The following SYCP1 variants were observed in gnomAD, a reference collection of about 807,000 sequenced individuals.
The protein encoded by SYCP1 is cancer/testis antigen 8.
Under a neutral mutation model 153.1 loss-of-function variants are expected in SYCP1, and 64 were observed. The ratio of observed to expected loss-of-function variants is 0.42; its 90% CI spans 0.34 to 0.51. The LOEUF (loss-of-function observed/expected upper bound fraction) is 0.51, where lower values mean the gene tolerates loss of function less well. Ranked by LOEUF, SYCP1 falls within the 20% of genes least tolerant of loss-of-function variation. SYCP1 has a pLI of 0.06. For synonymous variants in SYCP1, 384 were observed against 341.8 expected (o/e 1.12, Z -1.36); for missense variants, 997 against 1,049.0 (o/e 0.95, Z 0.68).
rs1041222188 is a variant in SYCP1, at chr1:114,895,577, A to G, written c.1320+68A>G. 20 of 804,814 alleles carry G rather than the reference A, an allele frequency of 2.5e-5. No individual in the cohort carries two copies. In the African/African-American group the frequency reaches 3.3e-4, roughly 13 times the overall value. 49.9% of individuals were successfully genotyped at this position (804,814 alleles called of 1,614,324 possible). ...AGAAGAATATTGAATCCCTTAACTTATAGACTCTCACACTATAGATGTTTT... is the reference window on the plus strand; with the variant it reads ...AGAAGAATATTGAATCCCTTAACTTGTAGACTCTCACACTATAGATGTTTT... On this transcript the variant is annotated intron_variant, in intron 16 of 31. Coordinates refer to ENST00000369522, the MANE Select transcript of SYCP1 (RefSeq NM_003176.4).
chr1:114,875,524 T>A (rs360633), intron 9 of SYCP1, among the ~76,000 whole-genome samples: 22 of 151,876 alleles, frequency 1.4e-4, no homozygotes, highest in Non-Finnish European at 2.9e-4. Flanking sequence ...CTCCCAAAGT[T>A]CTGGGATTAG....
intron 19 of SYCP1, 87 bp downstream of exon 19, chr1:114,913,237 T>A: frequency 9.6e-7 from 1 of 1,037,722 alleles, no homozygotes; most frequent in Non-Finnish European, 1.4e-6. Context: ...CTTTGACCTT[T>A]AAAGTCTGAT....
chr1:114,933,119 G>A (rs977044456), intron 23 of SYCP1, among the ~76,000 whole-genome samples: 1 of 152,166 alleles, frequency 6.6e-6, no homozygotes, highest in Non-Finnish European at 1.5e-5. Context: ...CCTGACCCCT[G>A]AGTAGCCTAA....
chr1:114,925,925 A>G (rs571404126), intron 21 of SYCP1, among the ~76,000 whole-genome samples: 1 of 152,252 alleles, frequency 6.6e-6, no homozygotes, highest in African/African-American at 2.4e-5. Flanking sequence ...TGATTAAATC[A>G]TGCTAGTTAA....
chr1:114,924,982 T>A (rs990738042), intron 21 of SYCP1, among the ~76,000 whole-genome samples: 1 of 152,150 alleles, frequency 6.6e-6, no homozygotes, highest in African/African-American at 2.4e-5. Flanking sequence ...CATTCTAGGT[T>A]CTTTCTATGT....
intron 16 of SYCP1, among the ~76,000 whole-genome samples, chr1:114,905,888 A>C (rs1486429122): frequency 2.6e-5 from 4 of 151,980 alleles, no homozygotes; most frequent in African/African-American, 7.3e-5. Context: ...ATTTCCTGTT[A>C]TCCTTTTAAA....
intron 15 of SYCP1, among the ~76,000 whole-genome samples, chr1:114,894,051 A>T (rs145531737): frequency 6.8e-4 from 101 of 147,912 alleles, no homozygotes; most frequent in African/African-American, 2.4e-3. Context: ...TTTTATATAT[A>T]TTTTTTCTCG....
chr1:114,905,278 A>C (rs962192718), intron 16 of SYCP1, among the ~76,000 whole-genome samples: 1 of 152,196 alleles, frequency 6.6e-6, no homozygotes, highest in Non-Finnish European at 1.5e-5. Flanking sequence ...AGGCTGAAGA[A>C]AGAGGCTTAT....
chr1:114,946,293 A>G lies in SYCP1; in HGVS notation c.2159A>G (p.Gln720Arg), dbSNP rs1670704856. ...TGTCTTCTTTGTTTAATATAGCACCAATATGATAAGATCATTGAAGAAAGA... is the reference window on the plus strand; with the variant it reads ...TGTCTTCTTTGTTTAATATAGCACCGATATGATAAGATCATTGAAGAAAGA... ...MVALMEKHKH[Q>R]YDKIIEERDS... The change falls in exon 26 of 32, where the codon CAA becomes CGA. Residue 720 changes from glutamine (Q) to arginine (R), a missense_variant. By Grantham distance (43) the Gln-to-Arg change is conservative. Around this residue, in one of 2 missense-constraint regions of SYCP1, gnomAD observed 712 missense variants for 682.9 expected, o/e 1.04. Transcript: ENST00000369522. 1 of 1,564,002 alleles carries G rather than the reference A, an allele frequency of 6.4e-7. No homozygotes were observed. Among genetic ancestry groups the G allele is most frequent in the Non-Finnish European group, 8.6e-7 (1 of 1,156,160 alleles).
chr1:114,935,834 C>A (rs1314118695), intron 23 of SYCP1, among the ~76,000 whole-genome samples: 1 of 152,126 alleles, frequency 6.6e-6, no homozygotes, highest in Non-Finnish European at 1.5e-5. Context: ...GATACATACA[C>A]CCTCCTAAGA....
chr1:114,918,924 T>C (rs1297322138), intron 20 of SYCP1, among the ~76,000 whole-genome samples: 1 of 151,988 alleles, frequency 6.6e-6, no homozygotes, highest in East Asian at 1.9e-4. Context: ...CTTGGAAATA[T>C]ACATGTTTCC....
chr1:114,947,584 C>G (rs192547466), intron 27 of SYCP1, among the ~76,000 whole-genome samples: 1 of 151,424 alleles, frequency 6.6e-6, no homozygotes, highest in South Asian at 2.1e-4. Flanking sequence ...GAGGCCGAGG[C>G]GGGCGGATCA....
Position 114,946,413 on chromosome 1 carries a change from A to G in SYCP1, c.2247+32A>G. The stretch of plus-strand genomic sequence containing the variant: ...TACAGAAAAAATTGCAGTAACGGCC[A>G]GTTTTCATAATGTCAGCAGTGACTG... On this transcript the variant is annotated intron_variant, in intron 26 of 31. Coordinates refer to ENST00000369522, the MANE Select transcript of SYCP1 (RefSeq NM_003176.4). 5 of 1,356,956 alleles carry G rather than the reference A, an allele frequency of 3.7e-6. No individual in the cohort carries two copies. In the South Asian group the frequency reaches 3.8e-5, roughly 10 times the overall value. 84.1% of individuals were successfully genotyped at this position (1,356,956 alleles called of 1,614,324 possible).
intron 23 of SYCP1, among the ~76,000 whole-genome samples, chr1:114,928,816 A>T (rs1669432348): frequency 6.6e-6 from 1 of 152,330 alleles, no homozygotes; most frequent in African/African-American, 2.4e-5. Context: ...TCCTTAGAGC[A>T]ACCCCTACAA....
chr1:114,947,433 G>T, intron 27 of SYCP1, 113 bp downstream of exon 27: 1 of 729,750 alleles, frequency 1.4e-6, no homozygotes, highest in East Asian at 2.9e-5. Context: ...AACGGGATGA[G>T]AAAATAATTT....
At chr1:114,982,200 G>A (rs1159013369) in intron 29 of SYCP1, among the ~76,000 whole-genome samples, 1 of 151,888 alleles carries the variant, frequency 6.6e-6, no homozygotes, top group Non-Finnish European at 1.5e-5. Context: ...ATCTAACTAG[G>A]GAATGAGATG....
chr1:114,978,359 G>A (rs988777663), intron 28 of SYCP1, among the ~76,000 whole-genome samples: 3 of 151,530 alleles, frequency 2.0e-5, no homozygotes. Flanking sequence ...AGGCTGAGCT[G>A]TATGTGTCCA....
In SYCP1 at chr1:114,947,252, G is replaced by T; in HGVS notation, c.2254G>T (p.Glu752Ter). The change falls in exon 27 of 32, where the codon GAA becomes TAA. Residue 752 changes from glutamate (E) to a stop codon, truncating the protein, a stop_gained. Transcript: ENST00000369522. LOFTEE classifies it high-confidence loss of function. ...CATGTTTCTTTTTCTTTAGGAGATT[G>T]AACTATCCAATCTCAAAGCTGAACT... ...QSSLRASLEI[E>*]LSNLKAELLS... is the part of the protein sequence containing the mutation. The T allele has an allele frequency of 1.2e-6, 2 of 1,611,004 alleles. No homozygotes were observed. Among genetic ancestry groups the T allele is most frequent in the South Asian group, 2.2e-5 (2 of 90,588 alleles).
chr1:114,931,823 G>A (rs1669653124), intron 23 of SYCP1, among the ~76,000 whole-genome samples: 1 of 152,112 alleles, frequency 6.6e-6, no homozygotes, highest in Admixed American at 6.6e-5. Context: ...TTGCTGTAAA[G>A]CTATAATAAT....
Sources: allele counts gnomAD v4.1 joint callset (sites outside exome capture counted in the v4.1 genomes callset), GRCh38; gene constraint gnomAD v4.1.1; regional missense constraint gnomAD v4.1.1; transcripts MANE v1.5; gene names NCBI Gene and HGNC (gene_info 2026-07-23, HGNC 2026-07-21).